The following GPM6B variants were observed in gnomAD, a reference collection of about 807,000 sequenced individuals.
The protein encoded by GPM6B is glycoprotein M6B.
A neutral mutation model predicts 27.2 loss-of-function variants in GPM6B; 4 were observed. That is an observed-to-expected ratio of 0.15 (90% CI 0.07 to 0.34). The LOEUF (loss-of-function observed/expected upper bound fraction) is 0.34, where lower values mean the gene tolerates loss of function less well. Ranked by LOEUF, GPM6B falls within the 10% of genes least tolerant of loss-of-function variation. GPM6B has a pLI of 1.00. For missense variants in GPM6B, 183 were observed against 261.9 expected, an observed-to-expected ratio of 0.70 and a Z score of 2.08; for synonymous variants, 124 against 103.1, an observed-to-expected ratio of 1.20 and a Z score of -1.23.
At chrX:13,841,828 T>C in intron 1 of GPM6B, among the ~76,000 whole-genome samples, 1 of 111,775 alleles carries the variant, frequency 8.9e-6, no homozygotes, top group Non-Finnish European at 1.9e-5. Flanking sequence ...TGCTGGACTC[T>C]CTGCCATGCT....
intron 2 of GPM6B, among the ~76,000 whole-genome samples, chrX:13,794,516 G>T (rs1177971300): frequency 9.0e-6 from 1 of 111,264 alleles, no homozygotes; most frequent in South Asian, 3.8e-4. Context: ...GATCCTTGCA[G>T]GAGGACTGTG....
intron 1 of GPM6B, among the ~76,000 whole-genome samples, chrX:13,875,688 G>A (rs1253929455): frequency 8.9e-6 from 1 of 112,144 alleles, no homozygotes; most frequent in Non-Finnish European, 1.9e-5. Flanking sequence ...AGCAGTCAAC[G>A]ATACAAAGGA....
rs187388105 is a variant in GPM6B, at chrX:13,884,581, A to T, written c.-198+53746T>A. On this transcript the variant is annotated intron_variant, in intron 1 of 6. Coordinates refer to the GPM6B transcript ENST00000398361. ...AATGTTTTTAAGGACCTATCAATCG[A>T]TAATGCAAACTCTCTAACCTAAGGA... Among the ~76,000 whole-genome samples, 664 of 112,462 alleles carry T rather than the reference A, an allele frequency of 5.9e-3. 5 individuals carry two copies. Among genetic ancestry groups the T allele is most frequent in the Non-Finnish European group, 8.9e-3 (475 of 53,319 alleles).
At chrX:13,796,528 A>T (rs1203258400) in intron 2 of GPM6B, among the ~76,000 whole-genome samples, 1 of 112,568 alleles carries the variant, frequency 8.9e-6, no homozygotes, top group African/African-American at 3.2e-5. Flanking sequence ...AAGTCAGTTG[A>T]CAGGGGCTTC....
At chrX:13,845,201 G>A (rs1159943415) in intron 1 of GPM6B, among the ~76,000 whole-genome samples, 3 of 110,526 alleles carry the variant, frequency 2.7e-5, no homozygotes, top group African/African-American at 9.9e-5. Context: ...GGTTGGCCAC[G>A]CTGGTCTCAA....
rs146462981 is a variant in GPM6B at position 13,921,327 on chromosome X, C to T, written c.-198+17000G>A. Among the ~76,000 whole-genome samples, 1,035 of 112,226 alleles carry T rather than the reference C, an allele frequency of 9.2e-3. 5 individuals are homozygous for T. Among genetic ancestry groups the T allele is most frequent in the Non-Finnish European group, 0.016 (836 of 53,234 alleles). On this transcript the variant is annotated intron_variant, in intron 1 of 6. Coordinates refer to the GPM6B transcript ENST00000398361. Reference sequence around the variant, plus strand: ...TATTCCAGCCCAAATCCCAAACCTTCCTACAGGTTATATGTTTTAAAGGTT... The same window carrying T: ...TATTCCAGCCCAAATCCCAAACCTTTCTACAGGTTATATGTTTTAAAGGTT...
chrX:13,792,196 T>G (rs2048725529), intron 2 of GPM6B, among the ~76,000 whole-genome samples: 2 of 111,385 alleles, frequency 1.8e-5, no homozygotes, highest in Non-Finnish European at 3.8e-5. Flanking sequence ...TTTGGCAATA[T>G]CTGGAGATAT....
intron 2 of GPM6B, among the ~76,000 whole-genome samples, chrX:13,803,872 G>A (rs190474961): frequency 7.0e-4 from 78 of 111,805 alleles, no homozygotes; most frequent in African/African-American, 2.3e-3. Flanking sequence ...GGACTCAACA[G>A]ATTAATGACT....
At chrX:13,780,694 CTG>C (rs1011078947) in intron 4 of GPM6B, among the ~76,000 whole-genome samples, 2 of 112,512 alleles carry the variant, frequency 1.8e-5, no homozygotes, top group African/African-American at 6.5e-5. Context: ...CACCCACACA[CTG>C]TCATGGGCAA....
upstream of GPM6B, among the ~76,000 whole-genome samples, chrX:13,817,715 G>C (rs1317011165): frequency 8.9e-6 from 1 of 111,965 alleles, no homozygotes; most frequent in Non-Finnish European, 1.9e-5. Context: ...ACATTAGAGG[G>C]AAGAAAACTC....
rs2049719867 is a variant in GPM6B at position 13,851,646 on chromosome X, A to AAAC, written c.-197-65839_-197-65838insGTT. ...ACCTCAGGCATGCAATGAAAAAAAA[A>AAAC]AAACCAGCTGAAATCGAGGGACAAT... On this transcript the variant is annotated intron_variant, in intron 1 of 6. Transcript: ENST00000398361. 2.7e-5 allele frequency among the ~76,000 whole-genome samples: 3 copies of AAAC among 109,466 alleles called. No individual in the cohort carries two copies. In the South Asian group the frequency reaches 1.2e-3, roughly 43 times the overall value.
intron 1 of GPM6B, among the ~76,000 whole-genome samples, chrX:13,928,200 G>A (rs1216788166): frequency 8.9e-6 from 1 of 112,220 alleles, no homozygotes; most frequent in Non-Finnish European, 1.9e-5. Flanking sequence ...AGGTATATCT[G>A]TAAGGCAGCC....
intron 1 of GPM6B, among the ~76,000 whole-genome samples, chrX:13,921,066 TATC>T (rs1603140626): frequency 8.9e-6 from 1 of 112,318 alleles, no homozygotes; most frequent in Non-Finnish European, 1.9e-5. Context: ...TCATATATGC[TATC>T]ATCATTTATG....
chrX:13,849,737 A>G (rs2049692063), intron 1 of GPM6B, among the ~76,000 whole-genome samples: 1 of 109,250 alleles, frequency 9.2e-6, no homozygotes, highest in African/African-American at 3.3e-5. Context: ...CATTTTTAAT[A>G]TATGTTATTT....
chrX:13,844,992 C>CTTTTTT (rs11332362), intron 1 of GPM6B, among the ~76,000 whole-genome samples: 3 of 92,816 alleles, frequency 3.2e-5, no homozygotes, highest in Non-Finnish European at 4.2e-5. Flanking sequence ...TTTTCTTTTT[C>CTTTTTT]TTTTTTTTTT....
chrX:13,865,363 CATT>C (rs779473250), intron 1 of GPM6B, among the ~76,000 whole-genome samples: 54 of 107,556 alleles, frequency 5.0e-4, no homozygotes, highest in African/African-American at 1.4e-3. Context: ...CAGTTCATGA[CATT>C]GTGATAAAAA....
intron 1 of GPM6B, among the ~76,000 whole-genome samples, chrX:13,866,371 T>C (rs984860661): frequency 7.2e-5 from 8 of 111,446 alleles, no homozygotes; most frequent in African/African-American, 2.6e-4. Flanking sequence ...CTCAAAAAAG[T>C]AGGAAGAGGT....
At chrX:13,879,202 T>C (rs984882765) in intron 1 of GPM6B, among the ~76,000 whole-genome samples, 3 of 111,933 alleles carry the variant, frequency 2.7e-5, no homozygotes, top group Admixed American at 9.4e-5. Flanking sequence ...CCCCAACAAG[T>C]AGATATACCT....
intron 1 of GPM6B, among the ~76,000 whole-genome samples, chrX:13,809,653 T>G (rs2049088218): frequency 1.8e-5 from 2 of 109,881 alleles, no homozygotes; most frequent in African/African-American, 6.6e-5. Context: ...AATTAAAAAA[T>G]TGGCCAGGTG....
Sources: allele counts gnomAD v4.1 joint callset (sites outside exome capture counted in the v4.1 genomes callset), GRCh38; gene constraint gnomAD v4.1.1; transcripts MANE v1.5; gene names NCBI Gene and HGNC (gene_info 2026-07-23, HGNC 2026-07-21).